OMA1: variants seen among roughly 807,000 people sequenced by gnomAD.
OMA1 encodes the protein metalloendopeptidase OMA1, mitochondrial.
OMA1 carries 38 observed loss-of-function variants against 30.9 expected under a neutral mutation model. That is an observed-to-expected ratio of 1.23 (90% CI 0.95 to 1.61). The LOEUF (loss-of-function observed/expected upper bound fraction) is 1.61, where lower values mean the gene tolerates loss of function less well. Ranked by LOEUF, OMA1 falls within the 40% of genes most tolerant of loss-of-function variation. The probability of loss-of-function intolerance (pLI) is 0.00; values close to 1 mark genes in which losing one functional copy is unlikely to be tolerated. For synonymous variants in OMA1, 173 were observed against 121.9 expected (o/e 1.42, Z -2.76); for missense variants, 461 against 349.2 (o/e 1.32, Z -2.55).
chr1:58,485,228 T>TAAAAAAAAAAAAA (rs71043289), intron 8 of OMA1, among the ~76,000 whole-genome samples: 11 of 42,046 alleles, frequency 2.6e-4, no homozygotes, highest in Non-Finnish European at 2.9e-4. Context: ...AGTCTACTAC[T>TAAAAAAAAAAAAA]AAAAAAAAAA....
At position 58,505,926 on chromosome 1, in the gene OMA1, C is replaced by A. The variant is rs571848108; in HGVS notation, c.1365+134G>T. On this transcript the variant is annotated intron_variant, in intron 8 of 8. Coordinates refer to ENST00000371226, the MANE Select transcript of OMA1 (RefSeq NM_145243.5). ...GCTTTTCAGTCAAATTCTGTGACAA[C>A]TGATAATCCATAATTATAGTAATCA... The A allele has an allele frequency of 1.3e-5, 7 of 540,010 alleles. No individual in the cohort carries two copies. The Admixed American group carries it at 1.6e-4, about 13-fold the overall frequency. 33.5% of individuals were successfully genotyped at this position (540,010 alleles called of 1,614,324 possible). A position where few individuals can be genotyped will look rare whatever the true frequency, so the allele number is the denominator to read the frequency against.
intron 8 of OMA1, among the ~76,000 whole-genome samples, chr1:58,494,872 G>A (rs182683398): frequency 0.01 from 1,590 of 152,208 alleles, 7 homozygotes; most frequent in South Asian, 0.04. Flanking sequence ...GATTCCTCAG[G>A]GATCTAGAAC....
chr1:58,517,990 C>A (rs563333213), intron 7 of OMA1, among the ~76,000 whole-genome samples: 1 of 151,418 alleles, frequency 6.6e-6, no homozygotes, highest in South Asian at 2.1e-4. Context: ...AGTTCGAGAC[C>A]AGCCTGCCCA....
chr1:58,512,233 T>A (rs1271723798), intron 7 of OMA1, among the ~76,000 whole-genome samples: 1 of 152,112 alleles, frequency 6.6e-6, no homozygotes, highest in East Asian at 1.9e-4. Context: ...TTATCTATCA[T>A]TGAAAAAAAG....
chr1:58,497,571 A>C (rs1269591937), intron 8 of OMA1, among the ~76,000 whole-genome samples: 1 of 151,964 alleles, frequency 6.6e-6, no homozygotes, highest in Non-Finnish European at 1.5e-5. Context: ...TTTTCTACTA[A>C]TTATTTTGGG....
chr1:58,512,928 G>A (rs1019102595), intron 7 of OMA1, among the ~76,000 whole-genome samples: 3 of 152,052 alleles, frequency 2.0e-5, no homozygotes, highest in East Asian at 3.9e-4. Context: ...AAAAAGTAAC[G>A]ATAGACCAAA....
At chr1:58,528,274 T>C (rs1056940580) in intron 6 of OMA1, among the ~76,000 whole-genome samples, 1 of 152,184 alleles carries the variant, frequency 6.6e-6, no homozygotes, top group African/African-American at 2.4e-5. Flanking sequence ...GAAACTTAAG[T>C]TCAAGTCCAA....
chr1:58,514,178 G>A (rs1344316869), intron 7 of OMA1, among the ~76,000 whole-genome samples: 1 of 152,066 alleles, frequency 6.6e-6, no homozygotes, highest in Non-Finnish European at 1.5e-5. Flanking sequence ...TTACAAGAAG[G>A]TTCTAGTACA....
chr1:58,508,363 A>G (rs373104059), intron 7 of OMA1, among the ~76,000 whole-genome samples: 13 of 152,308 alleles, frequency 8.5e-5, no homozygotes, highest in Non-Finnish European at 1.3e-4. Context: ...GGACGCCCTA[A>G]ACCCTCCTTC....
intron 6 of OMA1, 110 bp from the exon 7 acceptor site, chr1:58,527,445 T>G (rs1425117318): frequency 4.6e-6 from 3 of 652,906 alleles, no homozygotes; most frequent in Non-Finnish European, 5.5e-6. Context: ...AGGATAAAAT[T>G]CCTATACTGT....
chr1:58,497,530 C>T (rs1035563879), intron 8 of OMA1, among the ~76,000 whole-genome samples: 6 of 152,128 alleles, frequency 3.9e-5, no homozygotes, highest in African/African-American at 1.4e-4. Context: ...GACTATGCCA[C>T]CCCAAATATG....
chr1:58,485,281 G>T (rs1209854070), intron 8 of OMA1, among the ~76,000 whole-genome samples: 1 of 145,324 alleles, frequency 6.9e-6, no homozygotes, highest in Non-Finnish European at 1.5e-5. Flanking sequence ...AAAAAAGCTG[G>T]GTTTAGAACC....
At chr1:58,485,228 T>TTAAAAAAA (rs533975015) in intron 8 of OMA1, among the ~76,000 whole-genome samples, 2 of 42,036 alleles carry the variant, frequency 4.8e-5, no homozygotes, top group African/African-American at 9.7e-5. Flanking sequence ...AGTCTACTAC[T>TTAAAAAAA]AAAAAAAAAA....
chr1:58,545,106 G>A (rs546670880), intron 1 of OMA1, among the ~76,000 whole-genome samples: 1 of 151,962 alleles, frequency 6.6e-6, no homozygotes, highest in Non-Finnish European at 1.5e-5. Context: ...ACTTCTCCAG[G>A]CACCTTCCCC....
Position 58,545,074 on chromosome 1 carries a change from T to C in OMA1, c.-17+1629A>G, listed in dbSNP as rs116459686. ...CATGGCTTCCACAAACTCCTTCATA[T>C]GGCGAACCAGGCCCTCCTACTACTT... On this transcript the variant is annotated intron_variant, in intron 1 of 8. Coordinates refer to ENST00000371226, the MANE Select transcript of OMA1 (RefSeq NM_145243.5). 4.2e-3 allele frequency among the ~76,000 whole-genome samples: 642 copies of C among 152,258 alleles called. 3 individuals carry two copies. The highest frequency in any genetic ancestry group is 0.015 in the African/African-American group (620 of 41,530).
chr1:58,489,336 C>G (rs943454867), intron 8 of OMA1, among the ~76,000 whole-genome samples: 1 of 152,212 alleles, frequency 6.6e-6, no homozygotes, highest in Non-Finnish European at 1.5e-5. Flanking sequence ...CACAGAGCCT[C>G]GCTCATTACT....
intron 8 of OMA1, among the ~76,000 whole-genome samples, chr1:58,504,857 A>G (rs918179445): frequency 6.6e-6 from 1 of 152,162 alleles, no homozygotes; most frequent in Middle Eastern, 3.2e-3. Context: ...CAAGAACCAT[A>G]TCTTATTCCT....
chr1:58,508,072 T>C (rs560315327), intron 7 of OMA1, among the ~76,000 whole-genome samples: 37 of 152,266 alleles, frequency 2.4e-4, no homozygotes, highest in African/African-American at 8.4e-4. Flanking sequence ...GTAACACAGC[T>C]GAAGGGAATC....
chr1:58,509,536 T>TAA (rs59473637), intron 7 of OMA1, among the ~76,000 whole-genome samples: 6 of 116,966 alleles, frequency 5.1e-5, no homozygotes, highest in Admixed American at 9.0e-5. Flanking sequence ...ACACCTACAT[T>TAA]AAAAAAAAAA....
Sources: allele counts gnomAD v4.1 joint callset (sites outside exome capture counted in the v4.1 genomes callset), GRCh38; gene constraint gnomAD v4.1.1; transcripts MANE v1.5; gene names NCBI Gene and HGNC (gene_info 2026-07-23, HGNC 2026-07-21).